THSD7B: variants seen among roughly 807,000 people sequenced by gnomAD.
THSD7B encodes the protein thrombospondin type 1 domain containing 7B, also known as thrombospondin type-1 domain-containing protein 7B.
A neutral mutation model predicts 213.6 loss-of-function variants in THSD7B; 138 were observed. That is an observed-to-expected ratio of 0.65 (90% CI 0.56 to 0.74). The LOEUF is 0.74. THSD7B is among the 30% of genes least tolerant of loss of function. The pLI is 0.00. For missense variants in THSD7B, 1,931 were observed against 1,991.5 expected (o/e 0.97, Z 0.58); for synonymous variants, 742 against 687.0 (o/e 1.08, Z -1.25).
At chr2:137,314,582 T>C (rs1684033012) in intron 12 of THSD7B, among the ~76,000 whole-genome samples, 1 of 152,382 alleles carries the variant, frequency 6.6e-6, no homozygotes, top group South Asian at 2.1e-4. Flanking sequence ...GGAGAGGTGC[T>C]CTGCTTTTTA....
intron 1 of THSD7B, among the ~76,000 whole-genome samples, chr2:136,810,278 T>A (rs1399309840): frequency 6.6e-6 from 1 of 152,172 alleles, no homozygotes; most frequent in East Asian, 1.9e-4. Flanking sequence ...TCAAAGAAAT[T>A]GCTTTTGCCA....
chr2:137,526,894 G>A (rs1680290519), intron 15 of THSD7B, among the ~76,000 whole-genome samples: 2 of 152,064 alleles, frequency 1.3e-5, no homozygotes, highest in African/African-American at 2.4e-5. Context: ...ATTAACACAT[G>A]TACTCAAGAG....
At chr2:137,339,498 A>G (rs890420168) in intron 12 of THSD7B, among the ~76,000 whole-genome samples, 8 of 152,120 alleles carry the variant, frequency 5.3e-5, no homozygotes, top group Non-Finnish European at 1.0e-4. Flanking sequence ...CTGAATGCCA[A>G]ACATCTAAAT....
At chr2:137,271,506 A>G (rs1041942843) in intron 10 of THSD7B, among the ~76,000 whole-genome samples, 1 of 146,840 alleles carries the variant, frequency 6.8e-6, no homozygotes, top group Non-Finnish European at 1.5e-5. Context: ...ATTCATTCAT[A>G]TATATATGAT....
At chr2:137,233,333 T>G (rs2105056641) in intron 9 of THSD7B, among the ~76,000 whole-genome samples, 200 bp downstream of exon 9, 1 of 152,324 alleles carries the variant, frequency 6.6e-6, no homozygotes, top group East Asian at 1.9e-4. Flanking sequence ...ACTGGTGCAT[T>G]TATAACATGT....
chr2:136,769,786 G>A (rs752274497), intron 1 of THSD7B, among the ~76,000 whole-genome samples: 1 of 152,204 alleles, frequency 6.6e-6, no homozygotes, highest in Non-Finnish European at 1.5e-5. Flanking sequence ...GAAAAGGTTA[G>A]ACATTGACCT....
At chr2:137,022,520 T>G (rs969692378) in intron 2 of THSD7B, among the ~76,000 whole-genome samples, 6 of 152,052 alleles carry the variant, frequency 3.9e-5, no homozygotes, top group African/African-American at 1.4e-4. Context: ...CATTGGGTTT[T>G]GAAGATGTAC....
At chr2:136,967,657 G>C (rs1195738594) in intron 2 of THSD7B, among the ~76,000 whole-genome samples, 2 of 152,134 alleles carry the variant, frequency 1.3e-5, no homozygotes, top group Non-Finnish European at 2.9e-5. Context: ...GGTAAAATGA[G>C]CCCCAATCCA....
intron 14 of THSD7B, among the ~76,000 whole-genome samples, chr2:137,427,243 CAAATT>C (rs1300063947): frequency 3.3e-5 from 5 of 152,112 alleles, no homozygotes; most frequent in African/African-American, 1.2e-4. Flanking sequence ...GTTTCCTTAA[CAAATT>C]AAATACTGAA....
intron 2 of THSD7B, among the ~76,000 whole-genome samples, chr2:136,943,287 T>A (rs1684864498): frequency 6.6e-6 from 1 of 152,182 alleles, no homozygotes; most frequent in Non-Finnish European, 1.5e-5. Context: ...TTTGCCAGTA[T>A]TTTGTTGAGG....
At chr2:137,077,623 C>T (rs1687657646) in intron 3 of THSD7B, among the ~76,000 whole-genome samples, 1 of 152,142 alleles carries the variant, frequency 6.6e-6, no homozygotes, top group Non-Finnish European at 1.5e-5. Flanking sequence ...TAAATGTCTT[C>T]TTTTGAGAAG....
intron 17 of THSD7B, among the ~76,000 whole-genome samples, chr2:137,585,580 CT>C (rs1162149376): frequency 5.3e-5 from 8 of 152,078 alleles, no homozygotes; most frequent in African/African-American, 1.9e-4. Flanking sequence ...TTATTTCTGC[CT>C]TCATTTTGTT....
At chr2:137,605,470 T>C (rs1558857087) in intron 17 of THSD7B, among the ~76,000 whole-genome samples, 1 of 152,028 alleles carries the variant, frequency 6.6e-6, no homozygotes, top group Non-Finnish European at 1.5e-5. Flanking sequence ...TAATATTAAC[T>C]ACCTGCTATG....
At chr2:137,592,506 A>G (rs1034549017) in intron 17 of THSD7B, among the ~76,000 whole-genome samples, 1 of 151,890 alleles carries the variant, frequency 6.6e-6, no homozygotes, top group Non-Finnish European at 1.5e-5. Context: ...GAATTTCTGT[A>G]TACTTCATTA....
chr2:137,143,898 T>C (rs1679640462), intron 5 of THSD7B, among the ~76,000 whole-genome samples: 1 of 152,162 alleles, frequency 6.6e-6, no homozygotes, highest in Admixed American at 6.6e-5. Context: ...TTTTGATTTG[T>C]ACATATTTCT....
intron 2 of THSD7B, among the ~76,000 whole-genome samples, chr2:137,018,017 A>T (rs13409222): frequency 0.069 from 10,302 of 149,428 alleles, 382 homozygotes; most frequent in East Asian, 0.15. Flanking sequence ...TTTGGAGTTG[A>T]TCCTTCTCTT....
In THSD7B at chr2:137,464,598, G is replaced by T. The variant is rs549346845; in HGVS notation, c.3138+13575G>T. 5.3e-5 allele frequency among the ~76,000 whole-genome samples: 8 copies of T among 152,150 alleles called. No individual in the cohort carries two copies. The East Asian group carries it at 1.5e-3, about 29-fold the overall frequency. The stretch of plus-strand genomic sequence containing the variant: ...AGGGAATGTTAAGTCTTTGCACTTT[G>T]TACTAAGCATAAGCAGTCTTCTGTT... On this transcript the variant is annotated intron_variant, in intron 15 of 27. Transcript: ENST00000409968.
In THSD7B at chr2:137,170,765, T is replaced by A; in HGVS notation, c.1550T>A (p.Val517Asp). The A allele has an allele frequency of 6.2e-7, 1 of 1,613,612 alleles. No individual in the cohort carries two copies. Among genetic ancestry groups the A allele is most frequent in the Non-Finnish European group, 8.5e-7 (1 of 1,179,708 alleles). The change falls in exon 7 of 28, where the codon GTC becomes GAC. Residue 517 changes from valine to aspartate, a missense_variant. By Grantham distance (152) the Val-to-Asp change is radical. Coordinates refer to ENST00000409968, the MANE Select transcript of THSD7B (RefSeq NM_001316349.2). Reference protein sequence around the residue: ...KKGFRTRQRHVLMESTGPAGH... With the variant: ...KKGFRTRQRHDLMESTGPAGH... ...GGATTTAGAACGAGGCAGCGCCATGTCCTCATGGAATCTACAGGGCCTGCA... is the reference window on the plus strand; with the variant it reads ...GGATTTAGAACGAGGCAGCGCCATGACCTCATGGAATCTACAGGGCCTGCA...
At chr2:136,992,478 G>A (rs1005904675) in intron 2 of THSD7B, among the ~76,000 whole-genome samples, 11 of 152,142 alleles carry the variant, frequency 7.2e-5, no homozygotes, top group African/African-American at 2.4e-4. Flanking sequence ...GAGTCTACTT[G>A]GAAAGCTCAG....
Sources: gnomAD v4.1 joint callset for allele counts (sites outside exome capture counted in the v4.1 genomes callset) on GRCh38, gnomAD v4.1.1 for gene constraint, MANE v1.5 for transcripts, NCBI Gene and HGNC (gene_info 2026-07-23, HGNC 2026-07-21) for gene names.